Variants in ME1 observed in about 807,000 individuals in gnomAD.
ME1 encodes NADP-dependent malic enzyme.
A neutral mutation model predicts 66.4 loss-of-function variants in ME1; 74 were observed. That is an observed-to-expected ratio of 1.11 (90% CI 0.92 to 1.35). ME1 has a LOEUF of 1.35. Among genes scored for constraint, ME1 ranks in the 40% most tolerant of loss-of-function variants. ME1 has a pLI of 0.00. For synonymous variants in ME1, 251 were observed against 235.6 expected, an observed-to-expected ratio of 1.07 and a Z score of -0.60; for missense variants, 750 against 694.1, an observed-to-expected ratio of 1.08 and a Z score of -0.90.
At chr6:83,424,848 T>C (rs538277169) in intron 1 of ME1, among the ~76,000 whole-genome samples, 1 of 152,286 alleles carries the variant, frequency 6.6e-6, no homozygotes, top group East Asian at 1.9e-4. Flanking sequence ...TTCTATGGCT[T>C]CTCTCCTGGA....
intron 7 of ME1, among the ~76,000 whole-genome samples, chr6:83,242,084 C>T (rs549182240): frequency 6.6e-6 from 1 of 152,210 alleles, no homozygotes; most frequent in African/African-American, 2.4e-5. Context: ...ACTGGTCTCA[C>T]ACCCCTGACC....
At chr6:83,251,361 G>A (rs367778680) in intron 7 of ME1, among the ~76,000 whole-genome samples, 11 of 152,078 alleles carry the variant, frequency 7.2e-5, no homozygotes, top group African/African-American at 2.7e-4. Flanking sequence ...CGGGCGCAGT[G>A]GCACGCACCT....
chr6:83,257,207 A>G (rs1026206292), intron 6 of ME1, among the ~76,000 whole-genome samples: 3 of 151,670 alleles, frequency 2.0e-5, no homozygotes, highest in Non-Finnish European at 4.4e-5. Context: ...AAAAATAAAT[A>G]AAAAATAAAT....
intron 5 of ME1, among the ~76,000 whole-genome samples, chr6:83,324,737 A>AAAAAAAC (rs1768253305): frequency 6.6e-6 from 1 of 150,530 alleles, no homozygotes; most frequent in Non-Finnish European, 1.5e-5. Context: ...AAAAAAAAAA[A>AAAAAAAC]AAAGCCCAGG....
intron 2 of ME1, among the ~76,000 whole-genome samples, chr6:83,406,922 C>T (rs1201086245): frequency 6.6e-6 from 1 of 150,942 alleles, no homozygotes; most frequent in African/African-American, 2.4e-5. Context: ...CAAGCCTTCT[C>T]CCTCTCCTTC....
At chr6:83,263,648 CTT>C (rs1766935652) in intron 6 of ME1, among the ~76,000 whole-genome samples, 1 of 152,104 alleles carries the variant, frequency 6.6e-6, no homozygotes, top group Non-Finnish European at 1.5e-5. Flanking sequence ...CCCTAACTCT[CTT>C]CAATTCTATA....
chr6:83,429,783 C>T (rs1367154159), intron 1 of ME1, among the ~76,000 whole-genome samples: 1 of 152,088 alleles, frequency 6.6e-6, no homozygotes, highest in Non-Finnish European at 1.5e-5. Flanking sequence ...TCATCAGGAA[C>T]ACGACAAGGA....
At chr6:83,215,464 T>C (rs574968449) in intron 13 of ME1, among the ~76,000 whole-genome samples, 1 of 152,210 alleles carries the variant, frequency 6.6e-6, no homozygotes, top group Non-Finnish European at 1.5e-5. Context: ...ATAACTACTG[T>C]CATGGCTAAA....
At chr6:83,292,818 G>A (rs1767528882) in intron 6 of ME1, among the ~76,000 whole-genome samples, 1 of 152,134 alleles carries the variant, frequency 6.6e-6, no homozygotes. Flanking sequence ...TACACTGTGA[G>A]CATAGAACCG....
intron 5 of ME1, among the ~76,000 whole-genome samples, chr6:83,342,590 G>T (rs1394583977): frequency 6.6e-6 from 1 of 152,134 alleles, no homozygotes; most frequent in East Asian, 1.9e-4. Flanking sequence ...ACATAAATTT[G>T]TATATTTTTA....
intron 2 of ME1, among the ~76,000 whole-genome samples, chr6:83,406,956 T>A (rs549165204): frequency 1.3e-3 from 188 of 141,444 alleles, no homozygotes; most frequent in African/African-American, 5.3e-3. Flanking sequence ...CCATTTATAT[T>A]TATATTTTCA....
intron 5 of ME1, among the ~76,000 whole-genome samples, chr6:83,319,985 G>T (rs1768122057): frequency 1.3e-5 from 2 of 152,206 alleles, no homozygotes; most frequent in South Asian, 4.1e-4. Flanking sequence ...ATCTAGATCA[G>T]ATTTAGATGA....
chr6:83,409,599 G>C (rs1330482734), intron 1 of ME1, among the ~76,000 whole-genome samples: 1 of 152,176 alleles, frequency 6.6e-6, no homozygotes. Context: ...CTGATGGAAA[G>C]GTTTGTGTTT....
rs117886733 is a variant in ME1 at position 83,306,578 on chromosome 6, A to G, written c.704+8732T>C. Among the ~76,000 whole-genome samples, 1,062 of 152,076 alleles carry G rather than the reference A, an allele frequency of 7.0e-3. 5 individuals carry two copies. Among genetic ancestry groups the G allele is most frequent in the Non-Finnish European group, 0.012 (785 of 67,938 alleles). On this transcript the variant is annotated intron_variant, in intron 6 of 13. Transcript: ENST00000369705. ...ACATAAATGTATCCATATAATTAAA[A>G]CTCAAATCTTTAGTTTACTATAGGC...
chr6:83,389,924 T>C lies in ME1; in HGVS notation c.362+8443A>G, dbSNP rs968393752. On this transcript the variant is annotated intron_variant, in intron 3 of 13. Coordinates refer to ENST00000369705, the MANE Select transcript of ME1 (RefSeq NM_002395.6). Reference sequence around the variant, plus strand: ...TTAAAATGATTTCGGCACATGGGAATAAGACAATCCAAGCGAGCCCAAAAA... The same window carrying C: ...TTAAAATGATTTCGGCACATGGGAACAAGACAATCCAAGCGAGCCCAAAAA... Among the ~76,000 whole-genome samples the C allele has an allele frequency of 1.8e-4, 28 of 152,154 alleles. No homozygotes were observed. The East Asian group carries it at 5.4e-3, about 29-fold the overall frequency.
At chr6:83,426,393 C>A (rs3798884) in intron 1 of ME1, among the ~76,000 whole-genome samples, 52,983 of 151,984 alleles carry the variant, frequency 0.35, 9,592 homozygotes, top group Middle Eastern at 0.49. Flanking sequence ...CTGTTGTTTC[C>A]ACTGCAGCAA....
At chr6:83,411,708 A>C (rs563110581) in intron 1 of ME1, among the ~76,000 whole-genome samples, 5 of 152,282 alleles carry the variant, frequency 3.3e-5, no homozygotes, top group Admixed American at 6.5e-5. Flanking sequence ...CTGTCATTTG[A>C]TTTCTACCAA....
intron 3 of ME1, among the ~76,000 whole-genome samples, chr6:83,371,656 G>C (rs1296123962): frequency 6.6e-6 from 1 of 152,040 alleles, no homozygotes; most frequent in Non-Finnish European, 1.5e-5. Context: ...ATTTTCCAGG[G>C]GAGGTTGCTA....
At chr6:83,350,667 A>T (rs1217636177) in intron 4 of ME1, among the ~76,000 whole-genome samples, 6 of 151,928 alleles carry the variant, frequency 3.9e-5, no homozygotes, top group Non-Finnish European at 8.8e-5. Flanking sequence ...AATTTTTTCT[A>T]GAAATGGAGT....
Sources: gnomAD v4.1 joint callset for allele counts (sites outside exome capture counted in the v4.1 genomes callset) on GRCh38, gnomAD v4.1.1 for gene constraint, MANE v1.5 for transcripts, NCBI Gene and HGNC (gene_info 2026-07-23, HGNC 2026-07-21) for gene names.